The following AGBL4 variants were observed in gnomAD, a reference collection of about 807,000 sequenced individuals.
AGBL4 encodes cytosolic carboxypeptidase 6.
In AGBL4, 58 loss-of-function variants were observed where a neutral mutation model predicts 66.4. That is an observed-to-expected ratio of 0.87 (90% CI 0.71 to 1.09). The LOEUF (loss-of-function observed/expected upper bound fraction) is 1.09, where lower values mean the gene tolerates loss of function less well. AGBL4 is among the 50% of genes least tolerant of loss of function. The pLI is 0.00. For synonymous variants in AGBL4, 234 were observed against 222.9 expected (o/e 1.05, Z -0.44); for missense variants, 579 against 631.0 (o/e 0.92, Z 0.88).
chr1:49,599,005 G>C (rs1432028935), intron 3 of AGBL4, among the ~76,000 whole-genome samples: 3 of 152,154 alleles, frequency 2.0e-5, no homozygotes, highest in Non-Finnish European at 2.9e-5. Flanking sequence ...TGGTTTGCCA[G>C]TATTTTATTG....
intron 3 of AGBL4, among the ~76,000 whole-genome samples, chr1:49,648,216 T>C (rs1645929987): frequency 6.6e-6 from 1 of 151,480 alleles, no homozygotes; most frequent in African/African-American, 2.4e-5. Flanking sequence ...ATAACATAAA[T>C]GAAGAATACT....
intron 4 of AGBL4, among the ~76,000 whole-genome samples, chr1:49,099,860 G>A (rs1180878571): frequency 1.3e-5 from 2 of 152,122 alleles, no homozygotes; most frequent in Non-Finnish European, 2.9e-5. Flanking sequence ...TCATGAGAAG[G>A]CCCTGGGGCT....
At chr1:49,128,732 AT>A (rs1362149168) in intron 4 of AGBL4, among the ~76,000 whole-genome samples, 1 of 152,128 alleles carries the variant, frequency 6.6e-6, no homozygotes, top group African/African-American at 2.4e-5. Flanking sequence ...AACTATAAAT[AT>A]AAATGTAAAA....
chr1:49,492,580 G>T (rs564661786), intron 3 of AGBL4, among the ~76,000 whole-genome samples: 1 of 152,016 alleles, frequency 6.6e-6, no homozygotes, highest in South Asian at 2.1e-4. Context: ...CCACATATAG[G>T]TTTGGTCACT....
chr1:49,518,624 G>C (rs1159113308), intron 3 of AGBL4, among the ~76,000 whole-genome samples: 6 of 151,968 alleles, frequency 3.9e-5, no homozygotes, highest in Admixed American at 3.3e-4. Context: ...TTTGTAAAAT[G>C]AAAATAATAT....
chr1:48,529,181 T>C (rs976779852), downstream of AGBL4, among the ~76,000 whole-genome samples: 1 of 151,972 alleles, frequency 6.6e-6, no homozygotes, highest in Non-Finnish European at 1.5e-5. Flanking sequence ...GATCCCTCAG[T>C]GTGACTGCCT....
chr1:50,018,807 T>C (rs1662187001), intron 1 of AGBL4, among the ~76,000 whole-genome samples: 1 of 152,104 alleles, frequency 6.6e-6, no homozygotes, highest in South Asian at 2.1e-4. Flanking sequence ...CTCAATACTT[T>C]TGAGATATTA....
In AGBL4 at chr1:48,658,843, A is replaced by ATGTG. The variant is rs5774012; in HGVS notation, c.724+4305_724+4308dup. Among the ~76,000 whole-genome samples the ATGTG allele has an allele frequency of 7.1e-4, 107 of 149,672 alleles. 2 individuals carry two copies. Among genetic ancestry groups the ATGTG allele is most frequent in the Admixed American group, 4.2e-3 (63 of 15,040 alleles). On this transcript the variant is annotated intron_variant, in intron 7 of 13. Coordinates refer to ENST00000371839, the MANE Select transcript of AGBL4 (RefSeq NM_032785.4). ...GTGTTTGTGAGAGCATGGTGTGTGC[A>ATGTG]TGTGTGTGTGTGTGTGTGTGTGTGT...
At chr1:49,807,421 C>G (rs750257475) in intron 2 of AGBL4, among the ~76,000 whole-genome samples, 2 of 152,186 alleles carry the variant, frequency 1.3e-5, no homozygotes, top group African/African-American at 2.4e-5. Context: ...GCCCCTTTCT[C>G]CTTTCCTATT....
At chr1:49,907,678 A>G (rs1650409263) in intron 1 of AGBL4, among the ~76,000 whole-genome samples, 1 of 152,282 alleles carries the variant, frequency 6.6e-6, no homozygotes, top group Admixed American at 6.5e-5. Flanking sequence ...ACAGAGATAA[A>G]TACATGGAGC....
intron 3 of AGBL4, among the ~76,000 whole-genome samples, chr1:49,507,423 T>C (rs1045911347): frequency 6.6e-6 from 1 of 152,008 alleles, no homozygotes; most frequent in Non-Finnish European, 1.5e-5. Flanking sequence ...ATTTACCAAC[T>C]TACACTCCTG....
intron 4 of AGBL4, among the ~76,000 whole-genome samples, chr1:49,192,175 T>C (rs1034988556): frequency 2.0e-5 from 3 of 152,230 alleles, no homozygotes; most frequent in Non-Finnish European, 4.4e-5. Context: ...TGGTATCTCA[T>C]TGTGGTTTTG....
intron 3 of AGBL4, among the ~76,000 whole-genome samples, chr1:49,250,183 A>G (rs1331012333): frequency 1.3e-5 from 2 of 152,214 alleles, no homozygotes; most frequent in African/African-American, 2.4e-5. Context: ...GTTAATGACA[A>G]TTTATTATAT....
intron 6 of AGBL4, among the ~76,000 whole-genome samples, chr1:48,807,890 G>C (rs1316231624): frequency 6.6e-6 from 1 of 152,054 alleles, no homozygotes; most frequent in Admixed American, 6.6e-5. Flanking sequence ...GGCTTTTAGG[G>C]GTAGAGAAAA....
intron 4 of AGBL4, among the ~76,000 whole-genome samples, chr1:49,242,426 A>G (rs530181792): frequency 6.6e-6 from 1 of 152,104 alleles, no homozygotes; most frequent in African/African-American, 2.4e-5. Flanking sequence ...ATGTGAGAGG[A>G]ACAGTAAACT....
At chr1:48,630,538 C>T in intron 9 of AGBL4, among the ~76,000 whole-genome samples, 1 of 152,172 alleles carries the variant, frequency 6.6e-6, no homozygotes, top group East Asian at 1.9e-4. Context: ...CCACAGTCAC[C>T]ATGTCCCTTA....
chr1:49,046,862 G>A (rs535703590), intron 4 of AGBL4, among the ~76,000 whole-genome samples: 110 of 152,284 alleles, frequency 7.2e-4, no homozygotes, highest in African/African-American at 2.1e-3. Context: ...GGGGAGTGCA[G>A]ATACAGTGGA....
At chr1:49,845,527 C>T in intron 2 of AGBL4, 1 of 1,585,644 alleles carries the variant, frequency 6.3e-7, no homozygotes, top group South Asian at 1.1e-5. Flanking sequence ...GGCCTTGATC[C>T]ATAGCTAGTC....
chr1:49,658,381 G>A (rs1646194057), intron 3 of AGBL4, among the ~76,000 whole-genome samples: 1 of 152,188 alleles, frequency 6.6e-6, no homozygotes, highest in African/African-American at 2.4e-5. Context: ...AGGATGTGGA[G>A]AAATAGGAAC....
Sources: allele counts gnomAD v4.1 joint callset (sites outside exome capture counted in the v4.1 genomes callset), GRCh38; gene constraint gnomAD v4.1.1; transcripts MANE v1.5; gene names NCBI Gene and HGNC (gene_info 2026-07-23, HGNC 2026-07-21).